The following PCDH11Y variants were observed in gnomAD, a reference collection of about 807,000 sequenced individuals.
PCDH11Y encodes protocadherin 11 Y-linked.
For synonymous variants in PCDH11Y, 9 were observed against 83.6 expected (o/e 0.11, Z 4.87); for missense variants, 12 against 224.8 (o/e 0.05, Z 6.05).
At chrY:5,468,900 G>A (rs2124684467) in intron 2 of PCDH11Y, among the ~76,000 whole-genome samples, 2 of 32,631 alleles carry the variant, frequency 6.1e-5, no homozygotes, top group South Asian at 1.4e-3. Context: ...TTGGAAAAAC[G>A]AAATCTAGTC....
chrY:5,354,222 G>A (rs2053163103), intron 2 of PCDH11Y, among the ~76,000 whole-genome samples: 1 of 33,488 alleles, frequency 3.0e-5, no homozygotes, highest in Non-Finnish European at 7.4e-5. Flanking sequence ...GTGGAATGTT[G>A]TAGAAAAATG....
At chrY:5,237,216 A>G (rs2124654545) in intron 2 of PCDH11Y, among the ~76,000 whole-genome samples, 1 of 33,149 alleles carries the variant, frequency 3.0e-5, no homozygotes, top group South Asian at 6.7e-4. Context: ...GTGCAAAGGT[A>G]GACCTGGTAC....
chrY:5,482,243 C>T (rs2053327753), intron 2 of PCDH11Y, among the ~76,000 whole-genome samples: 1 of 32,237 alleles, frequency 3.1e-5, no homozygotes, highest in Non-Finnish European at 7.6e-5. Flanking sequence ...GTGATCCGCC[C>T]GCCTCAGCCT....
chrY:5,690,877 T>G (rs2124710754), intron 4 of PCDH11Y, among the ~76,000 whole-genome samples: 1 of 29,891 alleles, frequency 3.3e-5, no homozygotes, highest in South Asian at 7.9e-4. Context: ...ATCCAGTAAT[T>G]TTATTTGATT....
intron 2 of PCDH11Y, among the ~76,000 whole-genome samples, chrY:5,423,748 A>G (rs1602923200): frequency 9.1e-5 from 3 of 32,914 alleles, no homozygotes; most frequent in African/African-American, 3.6e-4. Flanking sequence ...AGATTCATAG[A>G]AATAGAAAGT....
chrY:5,327,067 G>T, intron 2 of PCDH11Y, among the ~76,000 whole-genome samples: 1 of 33,149 alleles, frequency 3.0e-5, no homozygotes, highest in South Asian at 6.8e-4. Context: ...GGGAAAGCAC[G>T]TGTGTTTTTA....
At chrY:5,156,323 T>C in intron 2 of PCDH11Y, among the ~76,000 whole-genome samples, 1 of 32,377 alleles carries the variant, frequency 3.1e-5, no homozygotes, top group African/African-American at 1.2e-4. Flanking sequence ...TATGTTAAAT[T>C]CATGAATACG....
At chrY:5,596,923 T>C in intron 4 of PCDH11Y, among the ~76,000 whole-genome samples, 1 of 29,303 alleles carries the variant, frequency 3.4e-5, no homozygotes, top group Non-Finnish European at 8.0e-5. Flanking sequence ...TAAAATTATG[T>C]CCAACATTTT....
intron 2 of PCDH11Y, among the ~76,000 whole-genome samples, chrY:5,289,117 A>G: frequency 3.1e-5 from 1 of 32,116 alleles, no homozygotes; most frequent in Non-Finnish European, 7.6e-5. Context: ...AAATAAATAA[A>G]TAAATAAATA....
At chrY:5,452,882 C>T (rs1602927915) in intron 2 of PCDH11Y, among the ~76,000 whole-genome samples, 87 of 33,319 alleles carry the variant, frequency 2.6e-3, no homozygotes, top group African/African-American at 9.6e-3. Flanking sequence ...CTGGGTCATG[C>T]TGGTTGGTGT....
At chrY:5,050,875 TTA>T (rs1316160873) in intron 3 of PCDH11Y, among the ~76,000 whole-genome samples, 5 of 30,556 alleles carry the variant, frequency 1.6e-4, no homozygotes, top group African/African-American at 5.1e-4. Context: ...ACACACACAA[TTA>T]TATATATATA....
chrY:5,443,976 T>TG (rs2053284965), intron 2 of PCDH11Y, among the ~76,000 whole-genome samples: 1 of 32,807 alleles, frequency 3.0e-5, no homozygotes, highest in African/African-American at 1.2e-4. Flanking sequence ...GGGTCGTGGC[T>TG]GGGGGGAAGT....
At chrY:5,119,218 T>C in intron 2 of PCDH11Y, among the ~76,000 whole-genome samples, 1 of 34,418 alleles carries the variant, frequency 2.9e-5, no homozygotes, top group Non-Finnish European at 7.3e-5. Context: ...AGTTGGGAAA[T>C]GCAAATAGCA....
chrY:5,321,952 C>A (rs2053113113), intron 2 of PCDH11Y, among the ~76,000 whole-genome samples: 1 of 28,402 alleles, frequency 3.5e-5, no homozygotes, highest in Admixed American at 3.3e-4. Flanking sequence ...ACAGACTGAG[C>A]CCTTGTCTCA....
At chrY:5,402,406 A>G in intron 2 of PCDH11Y, among the ~76,000 whole-genome samples, 1 of 32,726 alleles carries the variant, frequency 3.1e-5, no homozygotes, top group Admixed American at 2.9e-4. Flanking sequence ...TACACGATCC[A>G]TGCTACTGCA....
intron 2 of PCDH11Y, among the ~76,000 whole-genome samples, chrY:5,172,423 C>T: frequency 3.0e-5 from 1 of 32,791 alleles, no homozygotes; most frequent in African/African-American, 1.2e-4. Flanking sequence ...GGATGGGGGA[C>T]TTTCTTTAAA....
intron 1 of PCDH11Y, among the ~76,000 whole-genome samples, chrY:5,023,646 A>C (rs2124620203): frequency 3.0e-5 from 1 of 33,360 alleles, no homozygotes; most frequent in Non-Finnish European, 7.5e-5. Context: ...AATTTGGGCA[A>C]TTTTCTTTAT....
intron 4 of PCDH11Y, among the ~76,000 whole-genome samples, chrY:5,730,187 A>G (rs2053602680): frequency 3.1e-5 from 1 of 32,057 alleles, no homozygotes; most frequent in Admixed American, 2.8e-4. Flanking sequence ...TGATAAGAAG[A>G]GTGTTGAATC....
intron 1 of PCDH11Y, among the ~76,000 whole-genome samples, chrY:5,078,962 AG>A (rs2052714522): frequency 5.9e-5 from 2 of 33,719 alleles, no homozygotes; most frequent in Non-Finnish European, 7.4e-5. Context: ...TAAAATCAAT[AG>A]CAAGTTACTT....
Sources: allele counts gnomAD v4.1 joint callset (sites outside exome capture counted in the v4.1 genomes callset), GRCh38; gene constraint gnomAD v4.1.1; transcripts MANE v1.5; gene names NCBI Gene and HGNC (gene_info 2026-07-23, HGNC 2026-07-21).